Variants in TTC29 observed in about 807,000 individuals in gnomAD.
TTC29 encodes the protein tetratricopeptide repeat domain 29.
In TTC29, 49 loss-of-function variants were observed where a neutral mutation model predicts 58.1. That is an observed-to-expected ratio of 0.84 (90% CI 0.67 to 1.07). The LOEUF is 1.07. Among genes scored for constraint, TTC29 ranks in the 50% least tolerant of loss-of-function variants. The probability of loss-of-function intolerance (pLI) is 0.00; values close to 1 mark genes in which losing one functional copy is unlikely to be tolerated. For missense variants in TTC29, 582 were observed against 555.6 expected (o/e 1.05, Z -0.48); for synonymous variants, 209 against 196.8 (o/e 1.06, Z -0.52).
intron 8 of TTC29, among the ~76,000 whole-genome samples, chr4:146,859,654 C>T (rs1313724544): frequency 2.0e-5 from 3 of 151,834 alleles, no homozygotes; most frequent in African/African-American, 7.3e-5. Context: ...GATTTATTGA[C>T]CTGAAAGAGA....
intron 6 of TTC29, among the ~76,000 whole-genome samples, chr4:146,898,303 G>A (rs1732911901): frequency 6.6e-6 from 1 of 152,132 alleles, no homozygotes; most frequent in Non-Finnish European, 1.5e-5. Flanking sequence ...GTGTTTCAAG[G>A]GAGTGCTGGT....
At chr4:146,748,824 C>G (rs1162903391) in intron 11 of TTC29, among the ~76,000 whole-genome samples, 2 of 152,058 alleles carry the variant, frequency 1.3e-5, no homozygotes, top group Non-Finnish European at 2.9e-5. Flanking sequence ...GGACACAAGA[C>G]AGATGAAACA....
chr4:146,880,156 A>C (rs1272006384), intron 6 of TTC29, among the ~76,000 whole-genome samples: 1 of 152,162 alleles, frequency 6.6e-6, no homozygotes, highest in African/African-American at 2.4e-5. Context: ...CTTAGTAGTC[A>C]ATTTATTTCA....
At chr4:146,923,539 T>G (rs761111494) in intron 4 of TTC29, among the ~76,000 whole-genome samples, 34 of 151,984 alleles carry the variant, frequency 2.2e-4, no homozygotes, top group Non-Finnish European at 4.3e-4. Context: ...TGGTAACGTG[T>G]ATCTATTAAA....
intron 6 of TTC29, among the ~76,000 whole-genome samples, chr4:146,897,767 T>C (rs1346666487): frequency 6.6e-6 from 1 of 152,210 alleles, no homozygotes; most frequent in Non-Finnish European, 1.5e-5. Flanking sequence ...CCAAGTTACC[T>C]TGCTAGCATG....
intron 11 of TTC29, among the ~76,000 whole-genome samples, chr4:146,717,338 G>T (rs907548716): frequency 1.3e-5 from 2 of 152,080 alleles, no homozygotes; most frequent in African/African-American, 4.8e-5. Flanking sequence ...AAGTACAGCG[G>T]CACAATCTCG....
intron 11 of TTC29, among the ~76,000 whole-genome samples, chr4:146,781,896 T>C (rs935014324): frequency 2.6e-5 from 4 of 151,816 alleles, no homozygotes; most frequent in African/African-American, 9.7e-5. Flanking sequence ...GTAAACTAGA[T>C]AGGGATTCTG....
intron 11 of TTC29, among the ~76,000 whole-genome samples, chr4:146,776,189 T>C (rs1392594185): frequency 6.6e-6 from 1 of 152,190 alleles, no homozygotes; most frequent in Non-Finnish European, 1.5e-5. Context: ...ATTTTCTGTA[T>C]TGTTTCATTG....
chr4:146,725,224 C>G (rs763126490), intron 11 of TTC29, among the ~76,000 whole-genome samples: 1 of 152,102 alleles, frequency 6.6e-6, no homozygotes, highest in Non-Finnish European at 1.5e-5. Context: ...TATGACAGTA[C>G]TTATTCAGAT....
intron 8 of TTC29, among the ~76,000 whole-genome samples, chr4:146,857,277 A>AGTGTGTGTGTGTGTGTGTGTGT (rs70958531): frequency 2.0e-3 from 295 of 149,406 alleles, no homozygotes; most frequent in African/African-American, 3.5e-3. Context: ...CTAGTGGAAG[A>AGTGTGTGTGTGTGTGTGTGTGT]GTGTGTGTGT....
At chr4:146,802,564 CT>C (rs1377761569) in intron 11 of TTC29, among the ~76,000 whole-genome samples, 1 of 152,078 alleles carries the variant, frequency 6.6e-6, no homozygotes, top group Admixed American at 6.5e-5. Context: ...GCTTAATTTG[CT>C]ATTATTTACA....
At chr4:146,909,523 A>T (rs1210332171) in intron 4 of TTC29, among the ~76,000 whole-genome samples, 2 of 152,154 alleles carry the variant, frequency 1.3e-5, no homozygotes, top group Non-Finnish European at 1.5e-5. Flanking sequence ...GATAAGGACA[A>T]ATAAGCTAGT....
chr4:146,729,898 C>T (rs1234026026), intron 11 of TTC29, among the ~76,000 whole-genome samples: 1 of 151,866 alleles, frequency 6.6e-6, no homozygotes, highest in Non-Finnish European at 1.5e-5. Flanking sequence ...GACCCTCCCT[C>T]GATACGTGGG....
At chr4:146,744,050 T>A (rs1227022994) in intron 11 of TTC29, among the ~76,000 whole-genome samples, 1 of 152,210 alleles carries the variant, frequency 6.6e-6, no homozygotes, top group Non-Finnish European at 1.5e-5. Context: ...AAGGCCAGAA[T>A]GATGTGGAGA....
At chr4:146,804,744 T>C (rs1750482513) in intron 10 of TTC29, among the ~76,000 whole-genome samples, 1 of 152,104 alleles carries the variant, frequency 6.6e-6, no homozygotes, top group South Asian at 2.1e-4. Flanking sequence ...GTCAGGGGCT[T>C]ATAGATAAAA....
chr4:146,784,674 A>G (rs1367960880), intron 11 of TTC29, among the ~76,000 whole-genome samples: 3 of 152,208 alleles, frequency 2.0e-5, no homozygotes, highest in Non-Finnish European at 2.9e-5. Context: ...ATCTGCCTCA[A>G]TCTTGGACTT....
chr4:146,834,742 G>C (rs1195563912), intron 8 of TTC29, among the ~76,000 whole-genome samples: 1 of 152,112 alleles, frequency 6.6e-6, no homozygotes, highest in Non-Finnish European at 1.5e-5. Context: ...CAGTGTGAGG[G>C]ACGACATAAA....
At chr4:146,860,556 G>A (rs577493953) in intron 8 of TTC29, among the ~76,000 whole-genome samples, 1 of 152,136 alleles carries the variant, frequency 6.6e-6, no homozygotes, top group African/African-American at 2.4e-5. Context: ...TCATAGGCAG[G>A]CAGCATATAC....
chr4:146,797,832 TTATATATATATATA>T (rs70958528), intron 11 of TTC29, among the ~76,000 whole-genome samples: 3 of 130,048 alleles, frequency 2.3e-5, no homozygotes, highest in Admixed American at 7.7e-5. Flanking sequence ...TTACTTTGTT[TTATATATATATATA>T]TATATATATA....
Sources: allele counts gnomAD v4.1 joint callset (sites outside exome capture counted in the v4.1 genomes callset), GRCh38; gene constraint gnomAD v4.1.1; transcripts MANE v1.5; gene names NCBI Gene and HGNC (gene_info 2026-07-23, HGNC 2026-07-21).